The following TSR3 variants were observed in gnomAD, a reference collection of about 807,000 sequenced individuals.
The protein encoded by TSR3 is TSR3 ribosome maturation factor.
TSR3 carries 31 observed loss-of-function variants against 28.1 expected under a neutral mutation model. That is an observed-to-expected ratio of 1.10 (90% confidence interval 0.83 to 1.49). The LOEUF is 1.49. Ranked by LOEUF, TSR3 falls within the 40% of genes most tolerant of loss-of-function variation. The pLI is 0.00. For synonymous variants in TSR3, 219 were observed against 197.2 expected (o/e 1.11, Z -0.93); for missense variants, 511 against 444.0 (o/e 1.15, Z -1.36).
rs368854136 is a variant in TSR3 at position 1,349,966 on chromosome 16, G to A, written c.704-14C>T. 1.2e-6 allele frequency: 2 copies of A among 1,612,396 alleles called. No homozygotes were observed. The highest frequency in any genetic ancestry group is 1.7e-6 in the Non-Finnish European group (2 of 1,179,220). On this transcript the variant is annotated splice_polypyrimidine_tract_variant and intron_variant, in intron 4 of 5. Coordinates refer to ENST00000007390, the MANE Select transcript of TSR3 (RefSeq NM_001001410.3). ...CATCGAAGGGATCTGAGCCGAGAGA[G>A]GAAAGTGGCCTCTAAGTGAGCTCAG...
intron 1 of TSR3, 25 bp from the exon 2 acceptor site, chr16:1,351,623 C>G: frequency 9.0e-6 from 13 of 1,451,962 alleles, no homozygotes; most frequent in Non-Finnish European, 1.2e-5. Context: ...GAAGGGCACT[C>G]GGCCTCAGCG....
rs1293535538 is a variant in TSR3, at chr16:1,351,451, A to G, written c.260T>C (p.Leu87Pro). ...KLARLGLVRC[L>P]RLGHRFGGLV... The stretch of plus-strand genomic sequence containing the variant: ...ACCGCCGAATCTGTGGCCCAGGCGC[A>G]GGCAGCGCACCAGCCCCAGGCGGGC... Residue 87 changes from leucine to proline, a missense_variant, in exon 2 of 6, where the codon CTG becomes CCG. Leu to Pro is a moderately conservative substitution (Grantham distance 98). Coordinates refer to ENST00000007390, the MANE Select transcript of TSR3 (RefSeq NM_001001410.3). The G allele has an allele frequency of 4.4e-6, 7 of 1,593,278 alleles. No individual in the cohort carries two copies. In the African/African-American group the frequency reaches 8.0e-5, roughly 18 times the overall value.
intron 2 of TSR3, 136 bp downstream of exon 2, chr16:1,351,243 G>A (rs1204340943): frequency 4.6e-6 from 5 of 1,079,702 alleles, no homozygotes; most frequent in South Asian, 3.3e-5. Context: ...GCTACGCAAC[G>A]GAGGCAAACT....
At chr16:1,350,482 G>C (rs1469456395) in intron 3 of TSR3, among the ~76,000 whole-genome samples, 1 of 152,016 alleles carries the variant, frequency 6.6e-6, no homozygotes, top group Non-Finnish European at 1.5e-5. Context: ...ACTGCCCCAC[G>C]CCTCATCAGG....
chr16:1,351,875 G>A lies in TSR3; in HGVS notation c.-71C>T, dbSNP rs1313943183. 9 of 1,261,858 alleles carry A rather than the reference G, an allele frequency of 7.1e-6. No individual in the cohort carries two copies. Among genetic ancestry groups the A allele is most frequent in the Non-Finnish European group, 7.9e-6 (8 of 1,008,588 alleles). The allele number at this position is 1,261,858 out of a possible 1,614,324, so 78.2% of individuals were successfully genotyped here. ...CCCTCGGCCTCCCAATGGGCTGTGC[G>A]GCTGCCAGCGCTTGCGCCGGACGCC... On this transcript the variant is annotated 5_prime_UTR_variant, in exon 1 of 6. Transcript: ENST00000007390.
At chr16:1,350,754 T>A in intron 3 of TSR3, 53 bp downstream of exon 3, 1 of 1,570,022 alleles carries the variant, frequency 6.4e-7, no homozygotes, top group Non-Finnish European at 8.7e-7. Context: ...GCTGGGAGCA[T>A]AGCAGGAACA....
Position 1,351,758 on chromosome 16 carries a change from C to T in TSR3, c.47G>A (p.Arg16His), listed in dbSNP as rs1440216980. 1 of 1,353,248 alleles carries T rather than the reference C, an allele frequency of 7.4e-7. No individual in the cohort carries two copies. The highest frequency in any genetic ancestry group is 1.8e-5 in the South Asian group (1 of 56,118). The allele number at this position is 1,353,248 out of a possible 1,614,324, so 83.8% of individuals were successfully genotyped here. The change falls in exon 1 of 6, where the codon CGC (arginine) becomes CAC (histidine). Residue 16 changes from arginine to histidine, a missense_variant. Coordinates refer to ENST00000007390, the MANE Select transcript of TSR3 (RefSeq NM_001001410.3). ...AARGPGAEGG[R>H]PRHLPTRSLE... ...GGAGCGCGTCGGGAGGTGCCGAGGG[C>T]GGCCGCCTTCCGCCCCCGGCCCGCG...
Position 1,351,450 on chromosome 16 carries a change from CA to C in TSR3, c.260del (p.Leu87ArgfsTer12). 1 of 1,593,626 alleles carries C rather than the reference CA, an allele frequency of 6.3e-7. No homozygotes were observed. The highest frequency in any genetic ancestry group is 1.1e-5 in the South Asian group (1 of 90,402). Reference sequence around the variant, plus strand: ...GACCGCCGAATCTGTGGCCCAGGCGCAGGCAGCGCACCAGCCCCAGGCGGGC... The same window carrying C: ...GACCGCCGAATCTGTGGCCCAGGCGCGGCAGCGCACCAGCCCCAGGCGGGC... ...KLARLGLVRC[L>X]RLGHRFGGLV... On this transcript the variant is annotated frameshift_variant, in exon 2 of 6. Coordinates refer to ENST00000007390, the MANE Select transcript of TSR3 (RefSeq NM_001001410.3). LOFTEE classifies it high-confidence loss of function.
In TSR3 at chr16:1,349,357, G is replaced by A; in HGVS notation, c.*80C>T. On this transcript the variant is annotated 3_prime_UTR_variant, in exon 6 of 6. Coordinates refer to ENST00000007390, the MANE Select transcript of TSR3 (RefSeq NM_001001410.3). Reference sequence around the variant, plus strand: ...CCTGCCAGCAGCCGCAAAGAGCCGAGGCTGCCAGGCCCATTTATGTCCCTC... The same window carrying A: ...CCTGCCAGCAGCCGCAAAGAGCCGAAGCTGCCAGGCCCATTTATGTCCCTC... 6.5e-7 allele frequency: 1 copy of A among 1,532,224 alleles called. No homozygotes were observed. 94.9% of individuals were successfully genotyped at this position (1,532,224 alleles called of 1,614,324 possible). A position where few individuals can be genotyped will look rare whatever the true frequency, so the allele number is the denominator to read the frequency against.
chr16:1,349,885 C>A lies in TSR3; in HGVS notation c.767+4G>T. 2 of 1,613,708 alleles carry A rather than the reference C, an allele frequency of 1.2e-6. No individual in the cohort carries two copies. The highest frequency in any genetic ancestry group is 1.7e-6 in the Non-Finnish European group (2 of 1,180,000). Reference sequence around the variant, plus strand: ...TGATCATGAAATTAAGCCCAAGGACCTACCGGGTGCTGGCCACAGGCCTGT... The same window carrying A: ...TGATCATGAAATTAAGCCCAAGGACATACCGGGTGCTGGCCACAGGCCTGT... On this transcript the variant is annotated splice_donor_region_variant and intron_variant, in intron 5 of 5. Transcript: ENST00000007390.
At position 1,351,843 on chromosome 16, in the gene TSR3, G is replaced by A. The variant is rs1358973288; in HGVS notation, c.-39C>T. 5 of 1,280,132 alleles carry A rather than the reference G, an allele frequency of 3.9e-6. No homozygotes were observed. In the African/African-American group the frequency reaches 4.7e-5, roughly 12 times the overall value. The allele number at this position is 1,280,132 out of a possible 1,614,324, so 79.3% of individuals were successfully genotyped here. On this transcript the variant is annotated 5_prime_UTR_variant, in exon 1 of 6. Coordinates refer to ENST00000007390, the MANE Select transcript of TSR3 (RefSeq NM_001001410.3). Reference sequence around the variant, plus strand: ...GGTGCCGGGGACTCCCCACCCCACGGCCGCGCCCCTCGGCCTCCCAATGGG... The same window carrying A: ...GGTGCCGGGGACTCCCCACCCCACGACCGCGCCCCTCGGCCTCCCAATGGG...
Position 1,351,851 on chromosome 16 carries a change from C to T in TSR3, c.-47G>A, listed in dbSNP as rs1567179401. ...GGACTCCCCACCCCACGGCCGCGCC[C>T]CTCGGCCTCCCAATGGGCTGTGCGG... is the stretch of plus-strand genomic sequence containing the variant. On this transcript the variant is annotated 5_prime_UTR_variant, in exon 1 of 6. Transcript: ENST00000007390. 1 of 1,275,586 alleles carries T rather than the reference C, an allele frequency of 7.8e-7. No homozygotes were observed. Among genetic ancestry groups the T allele is most frequent in the Non-Finnish European group, 9.8e-7 (1 of 1,015,508 alleles). The allele number at this position is 1,275,586 out of a possible 1,614,324, so 79.0% of individuals were successfully genotyped here.
At chr16:1,351,036 G>A in intron 2 of TSR3, 36 bp from the exon 3 acceptor site, 1 of 1,599,422 alleles carries the variant, frequency 6.3e-7, no homozygotes, top group Non-Finnish European at 8.5e-7. Context: ...TCAGGAGCCA[G>A]CACTACCCAA....
chr16:1,351,326 G>A (rs1567179016), intron 2 of TSR3, 53 bp downstream of exon 2: 6 of 1,531,424 alleles, frequency 3.9e-6, no homozygotes, highest in African/African-American at 2.8e-5. Context: ...CATCCCTGAA[G>A]GGAACCACGC....
chr16:1,350,334 G>T, intron 3 of TSR3, 100 bp from the exon 4 acceptor site: 3 of 1,293,722 alleles, frequency 2.3e-6, no homozygotes, highest in Non-Finnish European at 3.1e-6. Context: ...CCAAGTAACC[G>T]CAGGGTCCCC....
intron 3 of TSR3, among the ~76,000 whole-genome samples, chr16:1,350,451 G>A (rs1317219750): frequency 2.6e-5 from 4 of 152,198 alleles, no homozygotes; most frequent in Non-Finnish European, 5.9e-5. Context: ...CCTTTGCTGC[G>A]AAACAAACAT....
rs376608310 is a variant in TSR3, at chr16:1,349,514, G to C, written c.862C>G (p.Gln288Glu). 17 of 1,613,412 alleles carry C rather than the reference G, an allele frequency of 1.1e-5. No individual in the cohort carries two copies. The highest frequency in any genetic ancestry group is 1.4e-5 in the Non-Finnish European group (16 of 1,180,004). Residue 288 changes from glutamine (Q) to glutamate (E), a missense_variant, in exon 6 of 6, where the codon CAG becomes GAG. Physicochemically the swap from Gln to Glu is conservative, Grantham distance 29. Transcript: ENST00000007390. The part of the protein sequence containing the change: ...GASSSCCEEE[Q>E]TQGRGAEARA... ...GCCTCAGCCCCCCGTCCCTGCGTCT[G>C]CTCCTCTTCACAGCAGCTGCTGCTG...
chr16:1,351,771 C>G lies in TSR3; in HGVS notation c.34G>C (p.Ala12Pro). 1 of 1,346,796 alleles carries G rather than the reference C, an allele frequency of 7.4e-7. No individual in the cohort carries two copies. Among genetic ancestry groups the G allele is most frequent in the Non-Finnish European group, 9.5e-7 (1 of 1,054,984 alleles). The allele number at this position is 1,346,796 out of a possible 1,614,324, so 83.4% of individuals were successfully genotyped here. The change falls in exon 1 of 6, where the codon GCG becomes CCG. Residue 12 changes from alanine (A) to proline (P), a missense_variant. Coordinates refer to ENST00000007390, the MANE Select transcript of TSR3 (RefSeq NM_001001410.3). ...AGGTGCCGAGGGCGGCCGCCTTCCG[C>G]CCCCGGCCCGCGCGCTGCCCTCCTG... ...GRRRAARGPGAEGGRPRHLPT... is the reference protein window; with the variant it reads ...GRRRAARGPGPEGGRPRHLPT...
intron 5 of TSR3, 85 bp downstream of exon 5, chr16:1,349,804 C>T (rs1158578945): frequency 3.9e-6 from 6 of 1,535,166 alleles, no homozygotes; most frequent in Non-Finnish European, 5.4e-6. Flanking sequence ...TACAACACCA[C>T]CCCCAGGCAG....
Sources: gnomAD v4.1 joint callset for allele counts (sites outside exome capture counted in the v4.1 genomes callset) on GRCh38, gnomAD v4.1.1 for gene constraint, MANE v1.5 for transcripts, NCBI Gene and HGNC (gene_info 2026-07-23, HGNC 2026-07-21) for gene names.